DPEP1: variants seen among roughly 807,000 people sequenced by gnomAD.
The protein encoded by DPEP1 is beta-lactamase.
In DPEP1, 50 loss-of-function variants were observed where a neutral mutation model predicts 42.3. That is an observed-to-expected ratio of 1.18 (90% confidence interval 0.94 to 1.50). The LOEUF (loss-of-function observed/expected upper bound fraction) is 1.50, where lower values mean the gene tolerates loss of function less well. Among genes scored for constraint, DPEP1 ranks in the 40% most tolerant of loss-of-function variants. DPEP1 has a pLI of 0.00. For missense variants in DPEP1, 663 were observed against 553.0 expected (o/e 1.20, Z -1.99); for synonymous variants, 297 against 234.0 (o/e 1.27, Z -2.46).
At chr16:89,621,757 C>T (rs936565183) in intron 1 of DPEP1, among the ~76,000 whole-genome samples, 3 of 152,178 alleles carry the variant, frequency 2.0e-5, no homozygotes, top group East Asian at 1.9e-4. Flanking sequence ...TCTGAGTGTG[C>T]GTTTACTCAT....
At chr16:89,623,560 G>A (rs888928576) in intron 1 of DPEP1, among the ~76,000 whole-genome samples, 3 of 152,206 alleles carry the variant, frequency 2.0e-5, no homozygotes, top group Non-Finnish European at 4.4e-5. Flanking sequence ...AGAACAGAGT[G>A]TAGCTGAGTC....
intron 1 of DPEP1, among the ~76,000 whole-genome samples, chr16:89,621,661 G>A (rs1396179097): frequency 3.3e-5 from 5 of 152,194 alleles, no homozygotes; most frequent in Admixed American, 1.3e-4. Context: ...CCCGTCCCTC[G>A]CACATGCAAG....
rs1433600831 is a variant in DPEP1, at chr16:89,637,545, A to G, written c.846A>G (p.Gln282=). The change falls in exon 8 of 11, where the codon CAA becomes CAG. Residue 282 remains glutamine, a synonymous_variant. Transcript: ENST00000690203. ...ISCTNKANLS[Q]VADHLDHIKE... is the part of the protein sequence containing the mutation. ...GCACCAACAAGGCCAACCTGTCCCA[A>G]GTGGCCGGTAGGTGGGGTGTGAGCG... 6.2e-7 allele frequency: 1 copy of G among 1,612,682 alleles called. No individual in the cohort carries two copies. Among genetic ancestry groups the G allele is most frequent in the East Asian group, 2.2e-5 (1 of 44,858 alleles).
At chr16:89,617,308 C>T (rs548520259) in intron 1 of DPEP1, among the ~76,000 whole-genome samples, 387 of 152,204 alleles carry the variant, frequency 2.5e-3, no homozygotes, top group African/African-American at 6.7e-3. Flanking sequence ...TAGGCAGGCA[C>T]CAAGGCCCAG....
At chr16:89,632,065 CAG>C (rs1351631114) in intron 2 of DPEP1, among the ~76,000 whole-genome samples, 2 of 152,116 alleles carry the variant, frequency 1.3e-5, no homozygotes, top group Non-Finnish European at 2.9e-5. Flanking sequence ...TGTTTTGAGA[CAG>C]AGTCTCACTC....
At chr16:89,623,848 C>A (rs1445377751) in intron 1 of DPEP1, among the ~76,000 whole-genome samples, 1 of 152,140 alleles carries the variant, frequency 6.6e-6, no homozygotes, top group Non-Finnish European at 1.5e-5. Flanking sequence ...TGGAAATTCC[C>A]TGGACCGGAG....
intron 2 of DPEP1, among the ~76,000 whole-genome samples, chr16:89,632,793 C>T (rs2059606772): frequency 6.6e-6 from 1 of 152,056 alleles, no homozygotes; most frequent in African/African-American, 2.4e-5. Flanking sequence ...CACAGTGGCT[C>T]ACAGGTGTGG....
chr16:89,636,112 T>G, intron 3 of DPEP1, 72 bp downstream of exon 3: 1 of 1,553,704 alleles, frequency 6.4e-7, no homozygotes, highest in South Asian at 1.2e-5. Flanking sequence ...CTGGCTACAG[T>G]GGGACCATCC....
intron 1 of DPEP1, among the ~76,000 whole-genome samples, chr16:89,624,535 TTG>T (rs1285647478): frequency 7.9e-6 from 1 of 126,936 alleles, no homozygotes; most frequent in Non-Finnish European, 1.9e-5. Context: ...TTTCTGGGGT[TTG>T]TTTTTTTTTT....
At chr16:89,615,960 A>G (rs1022830672) in intron 1 of DPEP1, among the ~76,000 whole-genome samples, 6 of 151,994 alleles carry the variant, frequency 3.9e-5, no homozygotes, top group Non-Finnish European at 5.9e-5. Flanking sequence ...GGCGTCCCCT[A>G]CGTGTCGTGT....
downstream of DPEP1, among the ~76,000 whole-genome samples, chr16:89,638,818 C>T (rs1250261942): frequency 1.2e-5 from 1 of 80,996 alleles, no homozygotes. Flanking sequence ...CACACACACA[C>T]CCCACCCCTG....
chr16:89,640,231 G>A (rs1054242907), downstream of DPEP1, among the ~76,000 whole-genome samples: 2 of 152,204 alleles, frequency 1.3e-5, no homozygotes, highest in Middle Eastern at 3.2e-3. Context: ...GAGGGCCCTG[G>A]GGGTGAGGGG....
intron 2 of DPEP1, among the ~76,000 whole-genome samples, chr16:89,634,195 T>C (rs2059629501): frequency 1.3e-5 from 2 of 151,156 alleles, no homozygotes. Context: ...TTCCTGCCAT[T>C]GTCCTGCCTC....
intron 2 of DPEP1, among the ~76,000 whole-genome samples, chr16:89,634,320 C>G (rs1360202239): frequency 6.6e-6 from 1 of 152,084 alleles, no homozygotes; most frequent in Non-Finnish European, 1.5e-5. Flanking sequence ...ATCTCCTGAC[C>G]TTGTGATCTG....
intron 2 of DPEP1, among the ~76,000 whole-genome samples, chr16:89,634,581 CT>C (rs1266552250): frequency 8.7e-6 from 1 of 114,404 alleles, no homozygotes; most frequent in Non-Finnish European, 1.8e-5. Context: ...CTCCTTTCCC[CT>C]TCCTTCTCCT....
chr16:89,638,733 C>T (rs375418395), downstream of DPEP1, among the ~76,000 whole-genome samples: 453 of 124,008 alleles, frequency 3.7e-3, 1 homozygote, highest in African/African-American at 0.013. Context: ...ACACACACAC[C>T]GCACCCCTGC....
rs1044195976 is a variant in DPEP1 at position 89,631,689 on chromosome 16, C to G, written c.104+1175C>G. ...TGGCCAACATGGCGAAACCCTGTCT[C>G]TACTAAAAATACAAAAAATTAGCCA... is the stretch of plus-strand genomic sequence containing the variant. On this transcript the variant is annotated intron_variant, in intron 2 of 10. Coordinates refer to ENST00000690203, the MANE Select transcript of DPEP1 (RefSeq NM_001389466.1). 5.9e-5 allele frequency among the ~76,000 whole-genome samples: 9 copies of G among 152,152 alleles called. No individual in the cohort carries two copies. The South Asian group carries it at 8.3e-4, about 14-fold the overall frequency.
intron 1 of DPEP1, among the ~76,000 whole-genome samples, chr16:89,622,981 C>T (rs2059464930): frequency 6.6e-6 from 1 of 151,982 alleles, no homozygotes; most frequent in African/African-American, 2.4e-5. Context: ...ACGTTGCAGG[C>T]ACGATGGGCC....
intron 1 of DPEP1, among the ~76,000 whole-genome samples, chr16:89,623,611 A>G (rs1196481302): frequency 6.6e-6 from 1 of 152,136 alleles, no homozygotes; most frequent in Non-Finnish European, 1.5e-5. Context: ...GGCGGAAAAG[A>G]ACACAGCAAA....
Sources: allele counts gnomAD v4.1 joint callset (sites outside exome capture counted in the v4.1 genomes callset), GRCh38; gene constraint gnomAD v4.1.1; transcripts MANE v1.5; gene names NCBI Gene and HGNC (gene_info 2026-07-23, HGNC 2026-07-21).